Variants in MGAM2 observed in about 807,000 individuals in gnomAD.
MGAM2 encodes the protein probable maltase-glucoamylase 2.
MGAM2 carries 98 observed loss-of-function variants against 96.1 expected under a neutral mutation model. The observed-to-expected ratio is 1.02, with a 90% CI of 0.87 to 1.21. The LOEUF is 1.21. Among genes scored for constraint, MGAM2 ranks in the 50% most tolerant of loss-of-function variants. MGAM2 has a pLI of 0.00. For synonymous variants in MGAM2, 749 were observed against 414.8 expected (o/e 1.81, Z -9.79); for missense variants, 2,055 against 1,182.4 (o/e 1.74, Z -10.82).
chr7:142,186,721 T>C (rs1327153948), intron 35 of MGAM2, among the ~76,000 whole-genome samples: 2 of 152,222 alleles, frequency 1.3e-5, no homozygotes, highest in Non-Finnish European at 2.9e-5. Flanking sequence ...AAGCAAGCTC[T>C]AGGCCAGCTC....
intron 46 of MGAM2, among the ~76,000 whole-genome samples, chr7:142,215,641 C>A (rs1054592732): frequency 2.0e-5 from 3 of 151,504 alleles, no homozygotes; most frequent in African/African-American, 7.3e-5. Flanking sequence ...GCCTGTAATC[C>A]CCACTACTTG....
chr7:142,192,175 G>T (rs73547354), intron 37 of MGAM2, among the ~76,000 whole-genome samples: 20 of 152,122 alleles, frequency 1.3e-4, no homozygotes, highest in African/African-American at 4.6e-4. Flanking sequence ...GTATCATGTT[G>T]CCCCTGGTGT....
In MGAM2 at chr7:142,198,546, G is replaced by A. The variant is rs530795335; in HGVS notation, c.4924-69G>A. The A allele has an allele frequency of 5.0e-5, 33 of 659,818 alleles. 1 individual carries two copies. In the South Asian group the frequency reaches 5.3e-4, roughly 11 times the overall value. The allele number at this position is 659,818 out of a possible 1,614,324, so 40.9% of individuals were successfully genotyped here. ...ATGCTTCCCAGGAAAGGAAGGACTT[G>A]TAATTAAAACATGCTCTCATTTAAT... On this transcript the variant is annotated intron_variant, in intron 43 of 47. Coordinates refer to ENST00000477922, the MANE Select transcript of MGAM2 (RefSeq NM_001293626.2).
intron 1 of MGAM2, among the ~76,000 whole-genome samples, chr7:142,115,800 G>A (rs186199197): frequency 1.5e-4 from 23 of 152,256 alleles, no homozygotes; most frequent in East Asian, 1.2e-3. Flanking sequence ...AGGCGAGATC[G>A]TGCCATTGCA....
chr7:142,115,026 G>A lies in MGAM2; in HGVS notation c.1-1848G>A, dbSNP rs145927350. On this transcript the variant is annotated intron_variant, in intron 1 of 47. Transcript: ENST00000477922. ...AGGTCAGGAGTTCGAGACTAGCCTG[G>A]CCAACGTGGTGAAATCCTATCTCTA... Among the ~76,000 whole-genome samples the A allele has an allele frequency of 3.8e-3, 576 of 152,006 alleles. 5 individuals carry two copies. The highest frequency in any genetic ancestry group is 0.013 in the African/African-American group (536 of 41,458).
At chr7:142,174,604 TGTC>T (rs1247313304) in intron 31 of MGAM2, among the ~76,000 whole-genome samples, 2 of 152,078 alleles carry the variant, frequency 1.3e-5, no homozygotes, top group African/African-American at 4.8e-5. Flanking sequence ...TATAGGATCT[TGTC>T]TATATGACAA....
rs1797897980 is a variant in MGAM2, at chr7:142,220,661, T to G, written c.6150T>G (p.Thr2050=). Reference sequence around the variant, plus strand: ...CTGCTCCTTTCCCTACAAGTACTACTAGTACTAGCACTAGTGCTACTGTTC... The same window carrying G: ...CTGCTCCTTTCCCTACAAGTACTACGAGTACTAGCACTAGTGCTACTGTTC... ...DTTAPFPTST[T]STSTSATVPI... Residue 2050 remains threonine, a synonymous_variant, in exon 48 of 48, where the codon ACT becomes ACG. Transcript: ENST00000477922. The G allele has an allele frequency of 1.4e-6, 1 of 702,280 alleles. No individual in the cohort carries two copies. Among genetic ancestry groups the G allele is most frequent in the Non-Finnish European group, 2.6e-6 (1 of 384,892 alleles). 43.5% of individuals were successfully genotyped at this position (702,280 alleles called of 1,614,324 possible).
intron 35 of MGAM2, 119 bp downstream of exon 35, chr7:142,186,242 G>C: frequency 1.6e-6 from 1 of 618,590 alleles, no homozygotes; most frequent in Non-Finnish European, 2.9e-6. Flanking sequence ...GGAGAATCTA[G>C]GTGCTGTTAC....
At chr7:142,132,846 A>T (rs1408503718) in intron 6 of MGAM2, among the ~76,000 whole-genome samples, 9 of 128,686 alleles carry the variant, frequency 7.0e-5, no homozygotes, top group African/African-American at 2.8e-4. Context: ...AATTATATAA[A>T]TATATAGATA....
chr7:142,176,640 G>A (rs946622791), intron 32 of MGAM2, among the ~76,000 whole-genome samples: 1 of 152,036 alleles, frequency 6.6e-6, no homozygotes, highest in Non-Finnish European at 1.5e-5. Context: ...ATTGGGGCAG[G>A]TATGGGATGG....
chr7:142,189,382 A>G lies in MGAM2; in HGVS notation c.4223A>G (p.Asp1408Gly), dbSNP rs922536296. 7.1e-6 allele frequency: 5 copies of G among 706,938 alleles called. No individual in the cohort carries two copies. Among genetic ancestry groups the G allele is most frequent in the Non-Finnish European group, 1.3e-5 (5 of 385,034 alleles). The allele number at this position is 706,938 out of a possible 1,614,324, so 43.8% of individuals were successfully genotyped here. A position where few individuals can be genotyped will look rare whatever the true frequency, so the allele number is the denominator to read the frequency against. ...PPYMPYLESR[D>G]KGLSSKTLCM... is the part of the protein sequence containing the mutation. ...TTCCCCTCAGATTTGGAATCTAGGG[A>G]CAAGGGCCTGAGCAGCAAGACTCTG... is the stretch of plus-strand genomic sequence containing the variant. The change falls in exon 37 of 48, where the codon GAC (aspartate) becomes GGC (glycine). Residue 1408 changes from aspartate to glycine, a missense_variant. Physicochemically the swap from Asp to Gly is moderately conservative, Grantham distance 94. Transcript: ENST00000477922.
At chr7:142,188,892 G>A (rs552227556) in intron 36 of MGAM2, among the ~76,000 whole-genome samples, 2 of 152,292 alleles carry the variant, frequency 1.3e-5, no homozygotes, top group South Asian at 4.1e-4. Flanking sequence ...TCAAGTTACA[G>A]TATTTTCAAC....
At chr7:142,176,975 T>C (rs533339619) in intron 32 of MGAM2, among the ~76,000 whole-genome samples, 1 of 152,328 alleles carries the variant, frequency 6.6e-6, no homozygotes, top group East Asian at 1.9e-4. Context: ...AACATCTTAT[T>C]TATTTGTTTA....
At chr7:142,173,622 T>A (rs934565642) in intron 31 of MGAM2, among the ~76,000 whole-genome samples, 9 of 152,244 alleles carry the variant, frequency 5.9e-5, no homozygotes, top group Non-Finnish European at 7.3e-5. Context: ...AATTTTGGCT[T>A]ATGCACAAGT....
intron 26 of MGAM2, among the ~76,000 whole-genome samples, chr7:142,169,790 C>T (rs989772931): frequency 2.0e-5 from 3 of 152,152 alleles, no homozygotes; most frequent in African/African-American, 4.8e-5. Context: ...CAAACATATA[C>T]ACACACATTC....
At position 142,148,148 on chromosome 7, in the gene MGAM2, C is replaced by A. The variant is rs757354306; in HGVS notation, c.1634+575C>A. ...CTATCACCATCACCACCACCATTAC[C>A]TAACACCATCACCATTGTCATAACC... is the stretch of plus-strand genomic sequence containing the variant. On this transcript the variant is annotated intron_variant, in intron 15 of 47. Transcript: ENST00000477922. The surrounding 1 kb of genome is among the most constrained non-coding windows in gnomAD (Gnocchi z 4.2). Among the ~76,000 whole-genome samples the A allele has an allele frequency of 6.6e-6, 1 of 151,542 alleles. No individual in the cohort carries two copies. The highest frequency in any genetic ancestry group is 1.5e-5 in the Non-Finnish European group (1 of 67,844).
At chr7:142,126,153 G>A (rs1448399506) in intron 3 of MGAM2, among the ~76,000 whole-genome samples, 1 of 151,958 alleles carries the variant, frequency 6.6e-6, no homozygotes, top group African/African-American at 2.4e-5. Context: ...TCTTTTGTCA[G>A]TGTTGTGAAT....
At chr7:142,145,601 A>G (rs1795360656) in intron 14 of MGAM2, among the ~76,000 whole-genome samples, 1 of 152,098 alleles carries the variant, frequency 6.6e-6, no homozygotes, top group Non-Finnish European at 1.5e-5. Flanking sequence ...TATAAACCCC[A>G]ATATCTCAGT....
chr7:142,196,061 G>C, intron 37 of MGAM2, 93 bp from the exon 38 acceptor site: 1 of 704,282 alleles, frequency 1.4e-6, no homozygotes, highest in South Asian at 1.5e-5. Flanking sequence ...GACTCGGACC[G>C]AAGTACCCTC....
Sources: allele counts gnomAD v4.1 joint callset (sites outside exome capture counted in the v4.1 genomes callset), GRCh38; gene constraint gnomAD v4.1.1; non-coding constraint Gnocchi (gnomAD v3.1); transcripts MANE v1.5; gene names NCBI Gene and HGNC (gene_info 2026-07-23, HGNC 2026-07-21).